Variants in NRXN1 observed in about 807,000 individuals in gnomAD.
NRXN1 encodes neurexin 1.
In NRXN1, 39 loss-of-function variants were observed where a neutral mutation model predicts 150.9. The ratio of observed to expected loss-of-function variants is 0.26; its 90% CI spans 0.20 to 0.34. NRXN1 has a LOEUF of 0.34. Among genes scored for constraint, NRXN1 ranks in the 10% least tolerant of loss-of-function variants. NRXN1 has a pLI of 1.00. For missense variants in NRXN1, 1,815 were observed against 1,949.9 expected (o/e 0.93, Z 1.30); for synonymous variants, 924 against 757.0 (o/e 1.22, Z -3.62).
At chr2:50,735,813 G>A (rs1698669743) in intron 5 of NRXN1, among the ~76,000 whole-genome samples, 1 of 151,916 alleles carries the variant, frequency 6.6e-6, no homozygotes, top group African/African-American at 2.4e-5. Context: ...GTTATTGATA[G>A]CTCCCTCTGC....
At chr2:50,973,573 T>G (rs893874838) in intron 2 of NRXN1, among the ~76,000 whole-genome samples, 1 of 152,112 alleles carries the variant, frequency 6.6e-6, no homozygotes, top group East Asian at 1.9e-4. Context: ...ATTAATTATA[T>G]GTAACAAAAG....
intron 18 of NRXN1, among the ~76,000 whole-genome samples, chr2:50,215,635 G>A (rs571020926): frequency 6.6e-6 from 1 of 151,798 alleles, no homozygotes; most frequent in African/African-American, 2.4e-5. Flanking sequence ...AAGAATTTCT[G>A]TACCTTTTGA....
chr2:50,907,114 A>G (rs1683813639), intron 5 of NRXN1, among the ~76,000 whole-genome samples: 1 of 151,904 alleles, frequency 6.6e-6, no homozygotes, highest in African/African-American at 2.4e-5. Flanking sequence ...TTTTCCCTTG[A>G]AGACTCTCAT....
intron 5 of NRXN1, among the ~76,000 whole-genome samples, chr2:50,831,154 G>A (rs1671355523): frequency 1.3e-5 from 2 of 152,132 alleles, no homozygotes; most frequent in Admixed American, 6.5e-5. Flanking sequence ...AAACAAATAT[G>A]TGTGGTCAAA....
At chr2:50,130,731 C>T (rs777666671) in intron 18 of NRXN1, among the ~76,000 whole-genome samples, 1 of 152,074 alleles carries the variant, frequency 6.6e-6, no homozygotes, top group Non-Finnish European at 1.5e-5. Context: ...CATTATTAAC[C>T]ATTTATATGT....
In NRXN1 at chr2:50,707,835, A is replaced by G. The variant is rs930541812; in HGVS notation, c.833-84220T>C. Among the ~76,000 whole-genome samples the G allele has an allele frequency of 1.3e-5, 2 of 152,182 alleles. 1 individual carries two copies. The highest frequency in any genetic ancestry group is 2.9e-5 in the Non-Finnish European group (2 of 68,030). On this transcript the variant is annotated intron_variant, in intron 5 of 22. Transcript: ENST00000401669. The stretch of plus-strand genomic sequence containing the variant: ...AAATATCCCATCATTTGGACTTTAG[A>G]TCCTAGAAGATCTTACAGATTTTCC...
intron 18 of NRXN1, among the ~76,000 whole-genome samples, chr2:50,213,882 T>G (rs2063205294): frequency 6.6e-6 from 1 of 151,976 alleles, no homozygotes; most frequent in Non-Finnish European, 1.5e-5. Context: ...GAGTCACCAC[T>G]GCAGCTAAGA....
intron 5 of NRXN1, among the ~76,000 whole-genome samples, chr2:50,871,669 G>T (rs1677801949): frequency 1.3e-5 from 2 of 151,718 alleles, no homozygotes; most frequent in Admixed American, 1.3e-4. Context: ...AGAGTGTTGG[G>T]AGAAAGGAGA....
At chr2:50,966,644 G>T (rs1248213198) in intron 2 of NRXN1, among the ~76,000 whole-genome samples, 1 of 151,706 alleles carries the variant, frequency 6.6e-6, no homozygotes, top group Non-Finnish European at 1.5e-5. Context: ...TTTAGTGCCT[G>T]CCCATTTGAT....
chr2:50,161,572 A>G (rs754680349), intron 18 of NRXN1, among the ~76,000 whole-genome samples: 1 of 152,184 alleles, frequency 6.6e-6, no homozygotes, highest in Non-Finnish European at 1.5e-5. Context: ...GAGAACTACT[A>G]TTCTTTTCAG....
intron 17 of NRXN1, among the ~76,000 whole-genome samples, chr2:50,420,962 CTGTGTG>C (rs4032055): frequency 0.063 from 7,526 of 119,876 alleles, 251 homozygotes; most frequent in African/African-American, 0.084. Context: ...CAAAATAGAC[CTGTGTG>C]TGTGTGTGTG....
chr2:50,006,951 T>G (rs909126422), intron 21 of NRXN1, among the ~76,000 whole-genome samples: 2 of 152,170 alleles, frequency 1.3e-5, no homozygotes, highest in Non-Finnish European at 2.9e-5. Context: ...AGAGGCTAGA[T>G]GCTCATCTAT....
intron 2 of NRXN1, chr2:51,026,363 T>C (rs1238267004): frequency 6.4e-7 from 1 of 1,555,706 alleles, no homozygotes; most frequent in Non-Finnish European, 8.8e-7. Context: ...TTCACACCAC[T>C]CACTCACTTT....
chr2:49,941,154 G>T (rs1292454487), intron 22 of NRXN1, among the ~76,000 whole-genome samples: 2 of 151,912 alleles, frequency 1.3e-5, no homozygotes, highest in African/African-American at 4.8e-5. Flanking sequence ...ACCTTGTGGG[G>T]AGATTCAAGC....
intron 15 of NRXN1, among the ~76,000 whole-genome samples, chr2:50,495,101 A>G (rs1194724771): frequency 6.6e-6 from 1 of 151,734 alleles, no homozygotes; most frequent in Non-Finnish European, 1.5e-5. Flanking sequence ...CCGATTTTCT[A>G]CATTGAGAAT....
At chr2:50,229,766 G>C (rs1324776054) in intron 18 of NRXN1, among the ~76,000 whole-genome samples, 1 of 152,036 alleles carries the variant, frequency 6.6e-6, no homozygotes, top group East Asian at 1.9e-4. Flanking sequence ...CATTATAGGT[G>C]ATCAAAAATA....
intron 5 of NRXN1, among the ~76,000 whole-genome samples, chr2:50,903,067 T>C (rs1393341395): frequency 2.0e-5 from 3 of 152,280 alleles, no homozygotes; most frequent in African/African-American, 7.2e-5. Context: ...TTCAAGAAGA[T>C]ATTGGGCATG....
intron 2 of NRXN1, among the ~76,000 whole-genome samples, chr2:51,020,303 C>T (rs1044610062): frequency 6.6e-6 from 1 of 151,578 alleles, no homozygotes; most frequent in African/African-American, 2.4e-5. Flanking sequence ...CATATAATTG[C>T]TGCCTTAAAG....
At chr2:50,697,753 G>T (rs1433839118) in intron 5 of NRXN1, among the ~76,000 whole-genome samples, 2 of 152,094 alleles carry the variant, frequency 1.3e-5, no homozygotes, top group Non-Finnish European at 2.9e-5. Context: ...TGGTCTACAA[G>T]GCCTCAAATA....
Sources: gnomAD v4.1 joint callset for allele counts (sites outside exome capture counted in the v4.1 genomes callset) on GRCh38, gnomAD v4.1.1 for gene constraint, MANE v1.5 for transcripts, NCBI Gene and HGNC (gene_info 2026-07-23, HGNC 2026-07-21) for gene names.